The following KIF1B variants were observed in gnomAD, a reference collection of about 807,000 sequenced individuals.
The protein encoded by KIF1B is kinesin-like protein KIF1B.
KIF1B carries 76 observed loss-of-function variants against 241.9 expected under a neutral mutation model. The ratio of observed to expected loss-of-function variants is 0.31; its 90% CI spans 0.26 to 0.38. KIF1B has a LOEUF of 0.38. Ranked by LOEUF, KIF1B falls within the 10% of genes least tolerant of loss-of-function variation. The probability of loss-of-function intolerance (pLI) is 1.00; values close to 1 mark genes in which losing one functional copy is unlikely to be tolerated. For synonymous variants in KIF1B, 750 were observed against 796.7 expected, an observed-to-expected ratio of 0.94 and a Z score of 0.99; for missense variants, 1,622 against 2,271.4, an observed-to-expected ratio of 0.71 and a Z score of 5.81.
rs111663673 is a variant in KIF1B, at chr1:10,376,834, A to AAC, written c.*279_*280dup. The AAC allele has an allele frequency of 0.045, 20,033 of 441,174 alleles. 201 individuals are homozygous for AAC. Among genetic ancestry groups the AAC allele is most frequent in the African/African-American group, 0.06 (2,937 of 48,864 alleles). The allele number at this position is 441,174 out of a possible 1,614,324, so 27.3% of individuals were successfully genotyped here. On this transcript the variant is annotated 3_prime_UTR_variant, in exon 49 of 49. Coordinates refer to ENST00000676179, the MANE Select transcript of KIF1B (RefSeq NM_001365951.3). ...CTAACAAAAGGAAAAAATGTTTTTA[A>AAC]ACACACACACACACACACACACACA... is the stretch of plus-strand genomic sequence containing the variant.
intron 1 of KIF1B, among the ~76,000 whole-genome samples, chr1:10,221,242 C>T (rs927582299): frequency 1.5e-4 from 23 of 151,810 alleles, no homozygotes; most frequent in African/African-American, 5.3e-4. Flanking sequence ...GGATTACAGG[C>T]ATGTGCCACC....
At position 10,292,099 on chromosome 1, in the gene KIF1B, C is replaced by G; in HGVS notation, c.1567C>G (p.Leu523Val). 6.2e-7 allele frequency: 1 copy of G among 1,613,856 alleles called. No homozygotes were observed. Among genetic ancestry groups the G allele is most frequent in the Non-Finnish European group, 8.5e-7 (1 of 1,179,850 alleles). The change falls in exon 17 of 49, where the codon CTA becomes GTA. Residue 523 changes from leucine (L) to valine (V), a missense_variant. Coordinates refer to ENST00000676179, the MANE Select transcript of KIF1B (RefSeq NM_001365951.3). Reference protein sequence around the residue: ...GVAIREDGGTLGVFSPKKTPH... With the variant: ...GVAIREDGGTVGVFSPKKTPH... ...TGCCATTCGGGAAGATGGAGGAACC[C>G]TAGGGGTTTTCTCACCTAAAAAGGT...
At chr1:10,280,384 C>T (rs550145357) in intron 14 of KIF1B, among the ~76,000 whole-genome samples, 58 of 152,104 alleles carry the variant, frequency 3.8e-4, no homozygotes, top group Non-Finnish European at 6.5e-4. Flanking sequence ...TATAGGTGCG[C>T]ACCACCACGC....
At chr1:10,212,929 T>TATATATATAC (rs1557638484) in intron 1 of KIF1B, among the ~76,000 whole-genome samples, 1 of 80,838 alleles carries the variant, frequency 1.2e-5, no homozygotes, top group African/African-American at 8.2e-5. Flanking sequence ...TATATATATA[T>TATATATATAC]ATACACACAC....
intron 45 of KIF1B, 53 bp downstream of exon 45, chr1:10,371,315 T>C: frequency 1.2e-6 from 2 of 1,601,456 alleles, no homozygotes; most frequent in Non-Finnish European, 1.7e-6. Context: ...AAGGTAAATG[T>C]CAACCTTCCT....
At chr1:10,229,187 T>C (rs1041717635) in intron 1 of KIF1B, among the ~76,000 whole-genome samples, 1 of 152,174 alleles carries the variant, frequency 6.6e-6, no homozygotes, top group Non-Finnish European at 1.5e-5. Context: ...ATTTGATACA[T>C]GTGATCATAA....
chr1:10,232,288 T>C lies in KIF1B; in HGVS notation c.-41T>C. The C allele has an allele frequency of 7.0e-7, 1 of 1,435,304 alleles. No homozygotes were observed. 88.9% of individuals were successfully genotyped at this position (1,435,304 alleles called of 1,614,324 possible). ...AACTTCAAAAGAAGATTTGATTCTT[T>C]ATTTCTGGACTGCATATATATATAT... On this transcript the variant is annotated 5_prime_UTR_variant, in exon 2 of 49. Coordinates refer to ENST00000676179, the MANE Select transcript of KIF1B (RefSeq NM_001365951.3).
chr1:10,359,634 C>T (rs1054578302), intron 38 of KIF1B, among the ~76,000 whole-genome samples: 3 of 148,298 alleles, frequency 2.0e-5, no homozygotes, highest in Non-Finnish European at 4.5e-5. Context: ...TTTCAAATGG[C>T]TTTTTTTTTT....
At chr1:10,229,141 C>G (rs1646946151) in intron 1 of KIF1B, among the ~76,000 whole-genome samples, 1 of 151,912 alleles carries the variant, frequency 6.6e-6, no homozygotes, top group African/African-American at 2.4e-5. Flanking sequence ...AAGTCATGCT[C>G]CATTGATTGG....
At chr1:10,371,898 T>G (rs1351607186) in intron 45 of KIF1B, among the ~76,000 whole-genome samples, 3 of 152,018 alleles carry the variant, frequency 2.0e-5, no homozygotes, top group Non-Finnish European at 4.4e-5. Flanking sequence ...ATTGCACCAC[T>G]GCATTCCACC....
chr1:10,273,766 C>T (rs1318869021), intron 10 of KIF1B, among the ~76,000 whole-genome samples: 2 of 138,386 alleles, frequency 1.4e-5, no homozygotes, highest in African/African-American at 5.5e-5. Context: ...AGACTAGCCA[C>T]TAAGAGGCCA....
Position 10,360,951 on chromosome 1 carries a change from G to A in KIF1B, c.4078G>A (p.Val1360Met), listed in dbSNP as rs1553170068. The part of the protein sequence containing the change: ...SSRTFYRFEA[V>M]WDSSLHNSLL... ...TAGGACCTTCTACCGCTTTGAGGCT[G>A]TGTGGGATAGCTCTCTGCATAACTC... Residue 1360 changes from valine (V) to methionine (M), a missense_variant, in exon 39 of 49, where the codon GTG becomes ATG. This residue lies in a region of KIF1B where 803 missense variants were observed against 1,112.0 expected (regional missense o/e 0.72). Coordinates refer to ENST00000676179, the MANE Select transcript of KIF1B (RefSeq NM_001365951.3). The A allele has an allele frequency of 1.2e-6, 2 of 1,613,698 alleles. No individual in the cohort carries two copies. The highest frequency in any genetic ancestry group is 1.7e-6 in the Non-Finnish European group (2 of 1,179,710).
rs1638823056 is a variant in KIF1B at position 10,374,196 on chromosome 1, G to A, written c.4947-120G>A. 1 of 1,075,064 alleles carries A rather than the reference G, an allele frequency of 9.3e-7. No homozygotes were observed. The highest frequency in any genetic ancestry group is 1.7e-5 in the Admixed American group (1 of 57,690). 66.6% of individuals were successfully genotyped at this position (1,075,064 alleles called of 1,614,324 possible). On this transcript the variant is annotated intron_variant, in intron 45 of 48. Coordinates refer to ENST00000676179, the MANE Select transcript of KIF1B (RefSeq NM_001365951.3). The surrounding 1 kb of genome is among the most constrained non-coding windows in gnomAD (Gnocchi z 4.3). ...CTCAGCTGAGCTCTCTGCAACTCAAGTTTGCAGCTGGGGTTTAGGGAGGGC... is the reference window on the plus strand; with the variant it reads ...CTCAGCTGAGCTCTCTGCAACTCAAATTTGCAGCTGGGGTTTAGGGAGGGC...
chr1:10,247,936 A>G (rs1557662990), intron 2 of KIF1B, among the ~76,000 whole-genome samples: 1 of 152,088 alleles, frequency 6.6e-6, no homozygotes, highest in Non-Finnish European at 1.5e-5. Flanking sequence ...GATCCCTCAC[A>G]TGTGCAGTTC....
rs1652093773 is a variant in KIF1B, at chr1:10,334,618, T to C, written c.3023T>C (p.Val1008Ala). 1 of 1,613,758 alleles carries C rather than the reference T, an allele frequency of 6.2e-7. No homozygotes were observed. Among genetic ancestry groups the C allele is most frequent in the Non-Finnish European group, 8.5e-7 (1 of 1,179,670 alleles). The change falls in exon 28 of 49, where the codon GTG becomes GCG. Residue 1008 changes from valine (V) to alanine (A), a missense_variant. Val to Ala is a moderately conservative substitution (Grantham distance 64). Around this residue, in one of 7 missense-constraint regions of KIF1B, gnomAD observed 803 missense variants for 1,112.0 expected, o/e 0.72. Coordinates refer to ENST00000676179, the MANE Select transcript of KIF1B (RefSeq NM_001365951.3). Reference sequence around the variant, plus strand: ...GGTGAAGTGCGGGGATTTCTGCGTGTGGCTGTACAGGCCATCGCAGGTAGG... The same window carrying C: ...GGTGAAGTGCGGGGATTTCTGCGTGCGGCTGTACAGGCCATCGCAGGTAGG... ...EKGEVRGFLR[V>A]AVQAIAADEE... is the part of the protein sequence containing the mutation.
At position 10,258,513 on chromosome 1, in the gene KIF1B, ATC is replaced by A. The variant is rs1488872131; in HGVS notation, c.207_208del (p.Gln70LysfsTer6). On this transcript the variant is annotated frameshift_variant, in exon 4 of 49. Coordinates refer to ENST00000676179, the MANE Select transcript of KIF1B (RefSeq NM_001365951.3). LOFTEE classifies it high-confidence loss of function. ...HTSPEDPCFA[S>X]QNRVYNDIGK... ...TACAGCCCGAAGATCCCTGTTTTGC[ATC>A]TCAAAACCGTGTGTACAATGACATT... 6.2e-7 allele frequency: 1 copy of A among 1,614,102 alleles called. No individual in the cohort carries two copies. Among genetic ancestry groups the A allele is most frequent in the Non-Finnish European group, 8.5e-7 (1 of 1,179,978 alleles).
At position 10,303,644 on chromosome 1, in the gene KIF1B, A is replaced by G; in HGVS notation, c.2115+6398A>G. 1 of 1,614,236 alleles carries G rather than the reference A, an allele frequency of 6.2e-7. No individual in the cohort carries two copies. Among genetic ancestry groups the G allele is most frequent in the African/African-American group, 1.3e-5 (1 of 75,070 alleles). ...GGCAGCACTGATGTAGATGACCTCA[A>G]GGTTCATATAGACAAGCTGGAAGAT... is the stretch of plus-strand genomic sequence containing the variant. On this transcript the variant is annotated intron_variant, in intron 22 of 48. Coordinates refer to ENST00000676179, the MANE Select transcript of KIF1B (RefSeq NM_001365951.3). This position sits in a 1 kb window ranked among gnomAD's most constrained non-coding sequence, Gnocchi z 5.2.
intron 2 of KIF1B, among the ~76,000 whole-genome samples, chr1:10,252,386 T>TTTTTTG (rs1647503817): frequency 6.7e-6 from 1 of 149,824 alleles, no homozygotes; most frequent in Non-Finnish European, 1.5e-5. Flanking sequence ...TTGTGGGGTT[T>TTTTTTG]TTGTTGTTGT....
intron 15 of KIF1B, 24 bp downstream of exon 15, chr1:10,282,557 A>G (rs1319234719): frequency 6.3e-7 from 1 of 1,584,208 alleles, no homozygotes; most frequent in South Asian, 1.1e-5. Context: ...CAGACTGAAT[A>G]CAAGGTATTC....
Sources: allele counts gnomAD v4.1 joint callset (sites outside exome capture counted in the v4.1 genomes callset), GRCh38; gene constraint gnomAD v4.1.1; regional missense constraint gnomAD v4.1.1; non-coding constraint Gnocchi (gnomAD v3.1); transcripts MANE v1.5; gene names NCBI Gene and HGNC (gene_info 2026-07-23, HGNC 2026-07-21).